The following GTF3C2 variants were observed in gnomAD, a reference collection of about 807,000 sequenced individuals.
GTF3C2 encodes general transcription factor IIIC subunit 2, also known as general transcription factor 3C polypeptide 2.
In GTF3C2, 17 loss-of-function variants were observed where a neutral mutation model predicts 117.4. The ratio of observed to expected loss-of-function variants is 0.14; its 90% CI spans 0.10 to 0.22. GTF3C2 has a LOEUF of 0.22. Ranked by LOEUF, GTF3C2 falls within the 10% of genes least tolerant of loss-of-function variation. The pLI, the probability that GTF3C2 is intolerant of heterozygous loss-of-function variation, is 1.00. For synonymous variants in GTF3C2, 437 were observed against 427.0 expected (o/e 1.02, Z -0.29); for missense variants, 888 against 1,143.6 (o/e 0.78, Z 3.22).
intron 1 of GTF3C2, among the ~76,000 whole-genome samples, chr2:27,344,692 A>G (rs959556046): frequency 6.6e-6 from 1 of 152,246 alleles, no homozygotes; most frequent in African/African-American, 2.4e-5. Flanking sequence ...TTATTTAAGA[A>G]TAAGTAAAAG....
chr2:27,342,338 G>A, intron 3 of GTF3C2, 105 bp from the exon 4 acceptor site: 1 of 865,712 alleles, frequency 1.2e-6, no homozygotes, highest in Non-Finnish European at 1.7e-6. Context: ...ATAACCCCAT[G>A]ATTAACCAAT....
intron 7 of GTF3C2, 57 bp downstream of exon 7, chr2:27,337,187 A>G (rs1348920184): frequency 1.4e-5 from 14 of 1,019,558 alleles, no homozygotes; most frequent in Non-Finnish European, 2.1e-5. Flanking sequence ...TTCAACATTC[A>G]TTTTTCTTGT....
intron 3 of GTF3C2, 66 bp from the exon 4 acceptor site, chr2:27,342,299 G>T: frequency 7.4e-7 from 1 of 1,360,366 alleles, no homozygotes; most frequent in Non-Finnish European, 1.0e-6. Flanking sequence ...TCCAGACATG[G>T]TTGATTTTTA....
At chr2:27,328,673 G>C (rs905349342) in intron 15 of GTF3C2, 77 bp from the exon 16 acceptor site, 3 of 1,275,160 alleles carry the variant, frequency 2.4e-6, no homozygotes, top group Admixed American at 3.7e-5. Flanking sequence ...CACAGTCTGA[G>C]AGACAGACAC....
intron 2 of GTF3C2, 49 bp downstream of exon 2, chr2:27,343,259 T>A (rs1216515275): frequency 6.3e-7 from 1 of 1,586,382 alleles, no homozygotes; most frequent in South Asian, 1.1e-5. Flanking sequence ...TGCTCTTTCA[T>A]CTTAAGCTTG....
At chr2:27,337,391 T>A in intron 6 of GTF3C2, 49 bp from the exon 7 acceptor site, 1 of 1,486,982 alleles carries the variant, frequency 6.7e-7, no homozygotes, top group Non-Finnish European at 9.4e-7. Context: ...GTTTCACCCA[T>A]CTCAGGGTTC....
chr2:27,337,661 C>T, intron 5 of GTF3C2, 103 bp from the exon 6 acceptor site: 1 of 842,330 alleles, frequency 1.2e-6, no homozygotes, highest in Non-Finnish European at 2.0e-6. Context: ...TCTGTGCTCC[C>T]CAATATGCCA....
Position 27,326,896 on chromosome 2 carries a change from G to C in GTF3C2, c.2518-3C>G. 6.3e-7 allele frequency: 1 copy of C among 1,592,286 alleles called. No homozygotes were observed. The highest frequency in any genetic ancestry group is 8.6e-7 in the Non-Finnish European group (1 of 1,160,568). ...TCCAGGTTTGGGCTGAAACGTACCT[G>C]TGAAGAGAACAGAAAACAAGAGAGA... On this transcript the variant is annotated splice_polypyrimidine_tract_variant and splice_region_variant and intron_variant, in intron 18 of 18. Coordinates refer to ENST00000264720, the Ensembl canonical transcript of GTF3C2.
intron 1 of GTF3C2, among the ~76,000 whole-genome samples, chr2:27,344,087 C>G (rs1680836535): frequency 2.0e-5 from 3 of 150,320 alleles, no homozygotes; most frequent in African/African-American, 7.4e-5. Context: ...TGTAATGGGG[C>G]AATCTCAGCT....
Position 27,329,309 on chromosome 2 carries a change from T to C in GTF3C2, c.1878-27A>G. On this transcript the variant is annotated intron_variant, in intron 13 of 18. Coordinates refer to ENST00000264720, the Ensembl canonical transcript of GTF3C2. The surrounding 1 kb of genome is among the most constrained non-coding windows in gnomAD (Gnocchi z 4.5). Reference sequence around the variant, plus strand: ...TGTAAAAAGACGGGAGAAGGTCAAATCCAAACAAATCCGGAAGTCAGCCTG... The same window carrying C: ...TGTAAAAAGACGGGAGAAGGTCAAACCCAAACAAATCCGGAAGTCAGCCTG... The C allele has an allele frequency of 6.2e-7, 1 of 1,614,046 alleles. No individual in the cohort carries two copies. The highest frequency in any genetic ancestry group is 2.2e-5 in the East Asian group (1 of 44,870).
At chr2:27,342,608 G>C (rs1680775016) in intron 3 of GTF3C2, 1 of 575,682 alleles carries the variant, frequency 1.7e-6, no homozygotes. Context: ...AATGGCATAG[G>C]ACATAAAGTA....
intron 4 of GTF3C2, 29 bp from the exon 5 acceptor site, chr2:27,338,049 G>A: frequency 7.1e-7 from 1 of 1,400,236 alleles, no homozygotes; most frequent in Non-Finnish European, 1.0e-6. Context: ...AAAATATAAG[G>A]GAGCAAATTC....
exon 7 of GTF3C2, chr2:27,337,290 G>C: frequency 6.2e-7 from 1 of 1,613,562 alleles, no homozygotes; most frequent in Non-Finnish European, 8.5e-7. Context: ...CCTTCACGTT[G>C]TACAGAAAAC....
chr2:27,334,082 G>T, intron 10 of GTF3C2, 83 bp from the exon 11 acceptor site: 1 of 1,001,860 alleles, frequency 1.0e-6, no homozygotes, highest in Non-Finnish European at 1.6e-6. Flanking sequence ...CCCGAGTGCA[G>T]TGGCATGATC....
intron 3 of GTF3C2, 186 bp from the exon 4 acceptor site, chr2:27,342,419 AGAT>A: frequency 1.7e-6 from 1 of 587,568 alleles, no homozygotes; most frequent in Non-Finnish European, 3.0e-6. Flanking sequence ...GACTTGGCCG[AGAT>A]GACTGAGATA....
At chr2:27,336,243 C>G (rs1680471941) in exon 8 of GTF3C2, 1 of 1,613,972 alleles carries the variant, frequency 6.2e-7, no homozygotes, top group Admixed American at 1.7e-5. Flanking sequence ...CTGGAGCAGC[C>G]CAGGACCCGA....
At chr2:27,326,518 G>C (rs1049831) in exon 19 of GTF3C2, 2 of 626,486 alleles carry the variant, frequency 3.2e-6, no homozygotes, top group South Asian at 2.0e-5. Context: ...GAAGTCTGTA[G>C]AAAGAGTGGG....
intron 1 of GTF3C2, among the ~76,000 whole-genome samples, chr2:27,354,425 A>T (rs1289039050): frequency 6.6e-6 from 1 of 152,180 alleles, no homozygotes; most frequent in Non-Finnish European, 1.5e-5. Flanking sequence ...TAACATAAGG[A>T]GCTAAATGGA....
chr2:27,326,921 A>G (rs1572560386), intron 18 of GTF3C2, 28 bp from the exon 19 acceptor site: 2 of 1,449,556 alleles, frequency 1.4e-6, no homozygotes, highest in East Asian at 2.3e-5. Context: ...AACAAGAGAG[A>G]GATGCTCATG....
Sources: gnomAD v4.1 joint callset for allele counts (sites outside exome capture counted in the v4.1 genomes callset) on GRCh38, gnomAD v4.1.1 for gene constraint, Gnocchi (gnomAD v3.1) non-coding constraint, MANE v1.5 for transcripts, NCBI Gene and HGNC (gene_info 2026-07-23, HGNC 2026-07-21) for gene names.